PSD3: variants seen among roughly 807,000 people sequenced by gnomAD.
PSD3 encodes PH and SEC7 domain-containing protein 3.
A neutral mutation model predicts 105.5 loss-of-function variants in PSD3; 49 were observed. The observed-to-expected ratio is 0.46, with a 90% CI of 0.37 to 0.59. The LOEUF (loss-of-function observed/expected upper bound fraction) is 0.59, where lower values mean the gene tolerates loss of function less well. PSD3 is among the 20% of genes least tolerant of loss of function. The pLI is 0.00. For synonymous variants in PSD3, 557 were observed against 457.8 expected (o/e 1.22, Z -2.77); for missense variants, 1,561 against 1,263.8 (o/e 1.24, Z -3.57).
intron 8 of PSD3, among the ~76,000 whole-genome samples, chr8:18,795,443 C>T (rs997100966): frequency 9.2e-5 from 14 of 152,210 alleles, no homozygotes; most frequent in African/African-American, 3.4e-4. Flanking sequence ...TACTGAAAAT[C>T]TCAAGCCTTG....
Position 18,691,858 on chromosome 8 carries a change from C to T in PSD3, c.2173-36173G>A, listed in dbSNP as rs536420836. Among the ~76,000 whole-genome samples the T allele has an allele frequency of 6.6e-5, 10 of 152,130 alleles. No individual in the cohort carries two copies. In the East Asian group the frequency reaches 9.7e-4, roughly 15 times the overall value. ...TCTCTAAGTAAAAAACAATGCCAGT[C>T]GAAGTACATGACCCTAGGTGCATTT... On this transcript the variant is annotated intron_variant, in intron 9 of 15. Transcript: ENST00000327040.
intron 4 of PSD3, among the ~76,000 whole-genome samples, chr8:18,817,046 G>T (rs913213658): frequency 7.9e-5 from 12 of 152,184 alleles, no homozygotes; most frequent in African/African-American, 1.2e-4. Context: ...ATGGCGTTTG[G>T]TAAGTTTTAA....
intron 2 of PSD3, among the ~76,000 whole-genome samples, chr8:18,875,095 T>C (rs949477260): frequency 2.0e-5 from 3 of 152,154 alleles, no homozygotes; most frequent in Non-Finnish European, 4.4e-5. Flanking sequence ...ACGTTTTTAC[T>C]TTTTGTAGAG....
At position 18,584,176 on chromosome 8, in the gene PSD3, G is replaced by T. The variant is rs569095619; in HGVS notation, c.2482-8891C>A. On this transcript the variant is annotated intron_variant, in intron 12 of 15. Coordinates refer to ENST00000327040, the MANE Select transcript of PSD3 (RefSeq NM_015310.4). ...CGAGACATTTTCCAGTGAAAGAGTGGAAAGTCTCATATCCCAGTGAAAGAG... is the reference window on the plus strand; with the variant it reads ...CGAGACATTTTCCAGTGAAAGAGTGTAAAGTCTCATATCCCAGTGAAAGAG... Among the ~76,000 whole-genome samples the T allele has an allele frequency of 2.0e-5, 3 of 152,248 alleles. No homozygotes were observed. The South Asian group carries it at 6.2e-4, about 32-fold the overall frequency.
intron 8 of PSD3, among the ~76,000 whole-genome samples, chr8:18,775,412 T>C (rs892042083): frequency 2.6e-5 from 4 of 152,226 alleles, no homozygotes; most frequent in South Asian, 2.1e-4. Context: ...GGTAGTTCTA[T>C]AGTTTTTCAA....
chr8:18,577,822 T>TC (rs1217734373), intron 12 of PSD3, among the ~76,000 whole-genome samples: 1 of 152,082 alleles, frequency 6.6e-6, no homozygotes, highest in Non-Finnish European at 1.5e-5. Flanking sequence ...ATTCTGAGTC[T>TC]CCCCTCATAG....
At chr8:18,823,525 G>C (rs974213875) in intron 4 of PSD3, among the ~76,000 whole-genome samples, 1 of 152,096 alleles carries the variant, frequency 6.6e-6, no homozygotes, top group Admixed American at 6.5e-5. Flanking sequence ...TCTGGGTCCT[G>C]CCACAAGAGA....
intron 1 of PSD3, among the ~76,000 whole-genome samples, chr8:18,962,637 G>A (rs1823994576): frequency 6.6e-6 from 1 of 152,172 alleles, no homozygotes; most frequent in African/African-American, 2.4e-5. Context: ...TCCCTCCACA[G>A]CATCCTGCCC....
chr8:18,713,827 A>T (rs185756424), intron 9 of PSD3, among the ~76,000 whole-genome samples: 83 of 152,304 alleles, frequency 5.4e-4, no homozygotes, highest in Middle Eastern at 3.4e-3. Flanking sequence ...AGCCAAGACA[A>T]TCCTAAGCAA....
chr8:18,976,203 C>G (rs1016690613), intron 1 of PSD3, among the ~76,000 whole-genome samples: 2 of 152,004 alleles, frequency 1.3e-5, no homozygotes, highest in African/African-American at 4.8e-5. Context: ...CTTTATTTTA[C>G]AGAGAGCTTA....
chr8:19,041,914 G>C (rs895296720), intron 1 of PSD3, among the ~76,000 whole-genome samples: 2 of 152,130 alleles, frequency 1.3e-5, no homozygotes, highest in Non-Finnish European at 2.9e-5. Context: ...TTGAAAAGGG[G>C]AGACAAGACG....
chr8:19,042,298 T>C (rs1420017363), intron 1 of PSD3, among the ~76,000 whole-genome samples: 1 of 152,130 alleles, frequency 6.6e-6, no homozygotes, highest in Non-Finnish European at 1.5e-5. Context: ...TTCTGCAAAA[T>C]TGTTTCCCTT....
chr8:18,759,666 A>C (rs909362151), intron 9 of PSD3, among the ~76,000 whole-genome samples: 6 of 152,132 alleles, frequency 3.9e-5, no homozygotes, highest in Non-Finnish European at 7.4e-5. Context: ...GGAAAGTGGG[A>C]TAGAAAACAA....
At chr8:18,976,650 G>A (rs1824956926) in intron 1 of PSD3, among the ~76,000 whole-genome samples, 1 of 151,706 alleles carries the variant, frequency 6.6e-6, no homozygotes, top group South Asian at 2.1e-4. Flanking sequence ...TACCTCATAG[G>A]GATATTTTGA....
intron 9 of PSD3, among the ~76,000 whole-genome samples, chr8:18,714,387 G>T (rs537640522): frequency 1.3e-4 from 19 of 150,748 alleles, no homozygotes; most frequent in Non-Finnish European, 2.4e-4. Flanking sequence ...GTTTGACAAA[G>T]GTCTGATATC....
chr8:18,971,214 T>C (rs1041573106), intron 1 of PSD3, among the ~76,000 whole-genome samples: 6 of 152,082 alleles, frequency 3.9e-5, no homozygotes, highest in African/African-American at 1.4e-4. Context: ...AAGGTGTGTG[T>C]TTACTGGCAA....
At chr8:18,812,974 T>C (rs1811824417) in intron 4 of PSD3, among the ~76,000 whole-genome samples, 1 of 152,024 alleles carries the variant, frequency 6.6e-6, no homozygotes, top group South Asian at 2.1e-4. Context: ...GCTTGTGGTG[T>C]GGAGGGAAAA....
intron 2 of PSD3, among the ~76,000 whole-genome samples, chr8:18,876,182 C>G (rs1817725815): frequency 6.6e-6 from 1 of 152,068 alleles, no homozygotes; most frequent in Non-Finnish European, 1.5e-5. Flanking sequence ...CCAGTTCAGC[C>G]TCCCAAGTAG....
At chr8:18,735,480 C>T (rs1383266859) in intron 9 of PSD3, among the ~76,000 whole-genome samples, 1 of 152,102 alleles carries the variant, frequency 6.6e-6, no homozygotes, top group Non-Finnish European at 1.5e-5. Flanking sequence ...GATAGGAATG[C>T]TTTCTTTGCT....
Sources: allele counts gnomAD v4.1 joint callset (sites outside exome capture counted in the v4.1 genomes callset), GRCh38; gene constraint gnomAD v4.1.1; transcripts MANE v1.5; gene names NCBI Gene and HGNC (gene_info 2026-07-23, HGNC 2026-07-21).